The following HLF variants were observed in gnomAD, a reference collection of about 807,000 sequenced individuals.
HLF encodes the protein hepatic leukemia factor.
In HLF, 3 loss-of-function variants were observed where a neutral mutation model predicts 22.6. The observed-to-expected ratio is 0.13, with a 90% CI of 0.06 to 0.34. The LOEUF (loss-of-function observed/expected upper bound fraction) is 0.34, where lower values mean the gene tolerates loss of function less well. HLF is among the 10% of genes least tolerant of loss of function. The pLI is 1.00. For synonymous variants in HLF, 151 were observed against 151.8 expected (o/e 0.99, Z 0.04); for missense variants, 299 against 389.2 (o/e 0.77, Z 1.95).
At chr17:55,294,695 C>T (rs1341216201) in intron 2 of HLF, among the ~76,000 whole-genome samples, 3 of 152,164 alleles carry the variant, frequency 2.0e-5, no homozygotes, top group Admixed American at 6.5e-5. Context: ...AGGAATGTTA[C>T]GGCTTCCTTC....
At chr17:55,315,859 A>G (rs1905045305) in intron 3 of HLF, among the ~76,000 whole-genome samples, 1 of 152,212 alleles carries the variant, frequency 6.6e-6, no homozygotes, top group South Asian at 2.1e-4. Context: ...AAAATTTTTG[A>G]TAATTTGCTG....
chr17:55,309,711 C>T (rs1904742475), intron 2 of HLF, among the ~76,000 whole-genome samples: 1 of 152,198 alleles, frequency 6.6e-6, no homozygotes, highest in African/African-American at 2.4e-5. Flanking sequence ...ATAATGTTAT[C>T]AGCTGGCTAA....
chr17:55,274,002 C>G (rs1041413066), intron 2 of HLF, among the ~76,000 whole-genome samples: 28 of 152,096 alleles, frequency 1.8e-4, no homozygotes, highest in African/African-American at 6.8e-4. Context: ...TTCCTGGAGG[C>G]CAGCTCCTGC....
intron 3 of HLF, among the ~76,000 whole-genome samples, chr17:55,318,209 C>A (rs1259348379): frequency 2.0e-5 from 3 of 152,102 alleles, no homozygotes; most frequent in Non-Finnish European, 4.4e-5. Flanking sequence ...ATCAGCCCCG[C>A]TCAAAATCCC....
chr17:55,302,237 C>T (rs1003019950), intron 2 of HLF, among the ~76,000 whole-genome samples: 3 of 152,144 alleles, frequency 2.0e-5, no homozygotes, highest in African/African-American at 4.8e-5. Flanking sequence ...AGGCAATGAC[C>T]AGCAGTCCAC....
chr17:55,321,052 C>T lies in HLF; in HGVS notation c.*173C>T, dbSNP rs116777308. 2,532 of 602,988 alleles carry T rather than the reference C, an allele frequency of 4.2e-3. 51 individuals are homozygous for T. Among genetic ancestry groups the T allele is most frequent in the African/African-American group, 0.042 (2,262 of 53,954 alleles). 37.4% of individuals were successfully genotyped at this position (602,988 alleles called of 1,614,324 possible). On this transcript the variant is annotated 3_prime_UTR_variant, in exon 4 of 4. Transcript: ENST00000226067. Reference sequence around the variant, plus strand: ...GTGTGCGTGTATATGTGCTTGTGCTCATGTGTGTGGTCAGCGGTATGTGCG... The same window carrying T: ...GTGTGCGTGTATATGTGCTTGTGCTTATGTGTGTGGTCAGCGGTATGTGCG...
At chr17:55,267,497 C>T in intron 1 of HLF, 1 of 402,292 alleles carries the variant, frequency 2.5e-6, no homozygotes, top group Non-Finnish European at 4.4e-6. Flanking sequence ...GGTTTTTATC[C>T]TAGATCAGCC....
chr17:55,294,642 C>T lies in HLF; in HGVS notation c.452-20585C>T, dbSNP rs571605831. Among the ~76,000 whole-genome samples, 28 of 152,282 alleles carry T rather than the reference C, an allele frequency of 1.8e-4. No individual in the cohort carries two copies. In the South Asian group the frequency reaches 5.8e-3, roughly 32 times the overall value. ...TCCATGTGGGGATGTGGCCTCTTTTCCCCAAGTGTGGACCAGATGTCAGGC... is the reference window on the plus strand; with the variant it reads ...TCCATGTGGGGATGTGGCCTCTTTTTCCCAAGTGTGGACCAGATGTCAGGC... On this transcript the variant is annotated intron_variant, in intron 2 of 3. Coordinates refer to ENST00000226067, the MANE Select transcript of HLF (RefSeq NM_002126.5).
At position 55,322,263 on chromosome 17, in the gene HLF, A is replaced by G; in HGVS notation, c.*1384A>G. 5.1e-6 allele frequency: 1 copy of G among 197,536 alleles called. No individual in the cohort carries two copies. The highest frequency in any genetic ancestry group is 1.1e-5 in the Non-Finnish European group (1 of 94,982). The allele number at this position is 197,536 out of a possible 1,614,324, so 12.2% of individuals were successfully genotyped here. The stretch of plus-strand genomic sequence containing the variant: ...TCCAATCAATTTAAATGTTTACTAT[A>G]GACCAAAAGGAGAGATTATTAAATC... On this transcript the variant is annotated 3_prime_UTR_variant, in exon 4 of 4. Transcript: ENST00000226067.
At chr17:55,307,790 A>G (rs1257759090) in intron 2 of HLF, among the ~76,000 whole-genome samples, 1 of 151,294 alleles carries the variant, frequency 6.6e-6, no homozygotes, top group African/African-American at 2.4e-5. Flanking sequence ...AGCAATATCA[A>G]ACAAATAAAA....
At chr17:55,282,193 G>A (rs1000051616) in intron 2 of HLF, among the ~76,000 whole-genome samples, 1 of 152,194 alleles carries the variant, frequency 6.6e-6, no homozygotes. Context: ...TTCGGAGTCC[G>A]AATCTGGTAT....
At chr17:55,270,742 G>C (rs1227172575) in intron 2 of HLF, among the ~76,000 whole-genome samples, 1 of 145,950 alleles carries the variant, frequency 6.9e-6, no homozygotes, top group East Asian at 2.0e-4. Flanking sequence ...CTCACTGCAA[G>C]CTCCGCCTCC....
At chr17:55,265,690 C>T (rs547546062) in intron 1 of HLF, 91 bp downstream of exon 1, 1 of 1,117,556 alleles carries the variant, frequency 8.9e-7, no homozygotes. Context: ...CATCCCCCAA[C>T]CCCGCTCCCG....
chr17:55,275,151 A>G (rs2080894232), intron 2 of HLF, among the ~76,000 whole-genome samples: 1 of 152,202 alleles, frequency 6.6e-6, no homozygotes, highest in Non-Finnish European at 1.5e-5. Context: ...GCTAGAGAGC[A>G]GTGGCGCGAT....
At chr17:55,316,181 A>C (rs1325211509) in intron 3 of HLF, among the ~76,000 whole-genome samples, 1 of 152,210 alleles carries the variant, frequency 6.6e-6, no homozygotes, top group Admixed American at 6.5e-5. Context: ...TTCTTTCCAA[A>C]ATTATGCCAT....
intron 3 of HLF, among the ~76,000 whole-genome samples, chr17:55,319,718 GA>G (rs1455538673): frequency 6.6e-6 from 1 of 151,972 alleles, no homozygotes; most frequent in African/African-American, 2.4e-5. Context: ...GCAGGTTGAA[GA>G]TTTTTTTTTT....
chr17:55,286,239 T>C (rs1049994858), intron 2 of HLF, among the ~76,000 whole-genome samples: 2 of 152,184 alleles, frequency 1.3e-5, no homozygotes, highest in South Asian at 4.1e-4. Flanking sequence ...AATAAACAAA[T>C]GGACCTTTGC....
intron 3 of HLF, among the ~76,000 whole-genome samples, chr17:55,318,228 C>A (rs1332014000): frequency 6.6e-6 from 1 of 152,164 alleles, no homozygotes; most frequent in Non-Finnish European, 1.5e-5. Flanking sequence ...CCGCTTCCCC[C>A]CTGCCCGCAA....
rs118115598 is a variant in HLF, at chr17:55,300,853, C to T, written c.452-14374C>T. Among the ~76,000 whole-genome samples, 102 of 152,274 alleles carry T rather than the reference C, an allele frequency of 6.7e-4. 9 individuals are homozygous for T. In the East Asian group the frequency reaches 0.019, roughly 28 times the overall value. The stretch of plus-strand genomic sequence containing the variant: ...AGTGAGTCCTTTGCTCTAATTGCAT[C>T]GATAGTTCCCCGTTCTCTTGAGGAT... On this transcript the variant is annotated intron_variant, in intron 2 of 3. Transcript: ENST00000226067.
Sources: gnomAD v4.1 joint callset for allele counts (sites outside exome capture counted in the v4.1 genomes callset) on GRCh38, gnomAD v4.1.1 for gene constraint, MANE v1.5 for transcripts, NCBI Gene and HGNC (gene_info 2026-07-23, HGNC 2026-07-21) for gene names.